The following SH3RF3 variants were observed in gnomAD, a reference collection of about 807,000 sequenced individuals.
The protein encoded by SH3RF3 is E3 ubiquitin-protein ligase SH3RF3.
A neutral mutation model predicts 66.3 loss-of-function variants in SH3RF3; 29 were observed. That is an observed-to-expected ratio of 0.44 (90% CI 0.33 to 0.60). The LOEUF (loss-of-function observed/expected upper bound fraction) is 0.60, where lower values mean the gene tolerates loss of function less well. Ranked by LOEUF, SH3RF3 falls within the 20% of genes least tolerant of loss-of-function variation. The pLI is 0.04. For synonymous variants in SH3RF3, 583 were observed against 532.0 expected (o/e 1.10, Z -1.32); for missense variants, 1,194 against 1,190.9 (o/e 1.00, Z -0.04).
chr2:109,213,326 A>G (rs556026076), intron 1 of SH3RF3, among the ~76,000 whole-genome samples: 2 of 152,324 alleles, frequency 1.3e-5, no homozygotes, highest in African/African-American at 4.8e-5. Context: ...GTGTACGCCA[A>G]ACGCAGCCCG....
At chr2:109,297,114 T>C (rs1477287208) in intron 1 of SH3RF3, among the ~76,000 whole-genome samples, 1 of 151,432 alleles carries the variant, frequency 6.6e-6, no homozygotes, top group Non-Finnish European at 1.5e-5. Context: ...CCAATACGGC[T>C]CCACAGAGAG....
At chr2:109,287,158 C>A (rs1681047394) in intron 1 of SH3RF3, among the ~76,000 whole-genome samples, 1 of 152,066 alleles carries the variant, frequency 6.6e-6, no homozygotes, top group African/African-American at 2.4e-5. Flanking sequence ...TAAAAAAGAC[C>A]CAGTGATTAT....
chr2:109,336,493 GTGCT>G, intron 1 of SH3RF3, among the ~76,000 whole-genome samples: 1 of 151,990 alleles, frequency 6.6e-6, no homozygotes, highest in East Asian at 1.9e-4. Flanking sequence ...CGGCTAGCAC[GTGCT>G]GAGGACTCGC....
intron 1 of SH3RF3, among the ~76,000 whole-genome samples, chr2:109,221,757 G>T (rs1679249233): frequency 6.6e-6 from 1 of 152,054 alleles, no homozygotes; most frequent in South Asian, 2.1e-4. Context: ...TACTATTGGT[G>T]GGAACATAAA....
At chr2:109,389,446 C>T (rs1675920891) in intron 3 of SH3RF3, among the ~76,000 whole-genome samples, 1 of 152,206 alleles carries the variant, frequency 6.6e-6, no homozygotes, top group Non-Finnish European at 1.5e-5. Context: ...AGTGTGTGAG[C>T]CTAGAGAAAT....
intron 9 of SH3RF3, among the ~76,000 whole-genome samples, chr2:109,492,844 T>C (rs1317803557): frequency 3.3e-5 from 5 of 151,976 alleles, no homozygotes; most frequent in African/African-American, 1.2e-4. Context: ...ATGTCACAGC[T>C]CCTCCAGGGG....
At chr2:109,417,352 C>G (rs1366462066) in intron 4 of SH3RF3, among the ~76,000 whole-genome samples, 1 of 152,168 alleles carries the variant, frequency 6.6e-6, no homozygotes, top group East Asian at 1.9e-4. Flanking sequence ...GGAAAGTGAT[C>G]CTGGCATTGT....
chr2:109,157,217 TA>T (rs1221121830), intron 1 of SH3RF3, among the ~76,000 whole-genome samples: 1 of 152,192 alleles, frequency 6.6e-6, no homozygotes, highest in Non-Finnish European at 1.5e-5. Flanking sequence ...CCGTCTCTTC[TA>T]CTCCTCAGCT....
At chr2:109,387,811 G>T (rs571953599) in intron 3 of SH3RF3, among the ~76,000 whole-genome samples, 2 of 152,156 alleles carry the variant, frequency 1.3e-5, no homozygotes, top group Non-Finnish European at 2.9e-5. Context: ...GCCTGCAGTA[G>T]GTGCCCAATT....
At chr2:109,148,797 T>C (rs1054704454) in intron 1 of SH3RF3, among the ~76,000 whole-genome samples, 1 of 152,206 alleles carries the variant, frequency 6.6e-6, no homozygotes, top group African/African-American at 2.4e-5. Context: ...GGTGTTCTTT[T>C]ATTTTTAGGT....
intron 1 of SH3RF3, among the ~76,000 whole-genome samples, chr2:109,245,556 C>T (rs1679896771): frequency 6.6e-6 from 1 of 152,178 alleles, no homozygotes; most frequent in African/African-American, 2.4e-5. Context: ...ACAAACTGCA[C>T]CTCTAGCCTG....
chr2:109,419,407 C>A, intron 4 of SH3RF3, 132 bp from the exon 5 acceptor site: 1 of 888,924 alleles, frequency 1.1e-6, no homozygotes, highest in Non-Finnish European at 1.7e-6. Context: ...GTAGGCACAG[C>A]ACGTTGGAGG....
intron 4 of SH3RF3, among the ~76,000 whole-genome samples, chr2:109,412,003 C>T (rs1676603506): frequency 2.0e-5 from 3 of 152,210 alleles, no homozygotes; most frequent in South Asian, 4.1e-4. Flanking sequence ...CCTGAATGGG[C>T]CCTGTGGCAG....
At chr2:109,366,112 A>G (rs1337341913) in intron 2 of SH3RF3, among the ~76,000 whole-genome samples, 3 of 152,228 alleles carry the variant, frequency 2.0e-5, no homozygotes, top group Admixed American at 1.3e-4. Context: ...CACCTCTTCT[A>G]TCTCCTAGAG....
At chr2:109,281,573 G>A (rs1680894441) in intron 1 of SH3RF3, among the ~76,000 whole-genome samples, 1 of 152,204 alleles carries the variant, frequency 6.6e-6, no homozygotes, top group Admixed American at 6.5e-5. Flanking sequence ...GGAGAGTTAA[G>A]GATGGGAGCC....
intron 1 of SH3RF3, among the ~76,000 whole-genome samples, chr2:109,203,221 A>G (rs1013981117): frequency 6.6e-6 from 1 of 152,200 alleles, no homozygotes; most frequent in African/African-American, 2.4e-5. Context: ...GAGAGCCAGG[A>G]GCCTCTTCAG....
Position 109,490,742 on chromosome 2 carries a change from C to T in SH3RF3, c.2286C>T (p.Pro762=), listed in dbSNP as rs1027859610. ...CCCTGCTCCAAGGTGCAGTGGGCCC[C>T]GAAGTGTCCTCACTGTCCATCCACG... ...VDALLQGAVG[P]EVSSLSIHGR... is the part of the protein sequence containing the mutation. Residue 762 remains proline (P), a synonymous_variant, in exon 9 of 10, where the codon CCC becomes CCT. Coordinates refer to ENST00000309415, the MANE Select transcript of SH3RF3 (RefSeq NM_001099289.3). 7.8e-6 allele frequency: 12 copies of T among 1,536,192 alleles called. No homozygotes were observed. The highest frequency in any genetic ancestry group is 1.4e-5 in the African/African-American group (1 of 73,006).
At chr2:109,161,510 G>A (rs976987501) in intron 1 of SH3RF3, among the ~76,000 whole-genome samples, 1 of 151,600 alleles carries the variant, frequency 6.6e-6, no homozygotes, top group African/African-American at 2.4e-5. Context: ...GTAAGGCGAT[G>A]TTTCCTGGGG....
intron 1 of SH3RF3, among the ~76,000 whole-genome samples, chr2:109,277,026 A>G (rs1034111527): frequency 2.0e-5 from 3 of 152,092 alleles, no homozygotes; most frequent in African/African-American, 7.2e-5. Context: ...TCCCTCGAGC[A>G]CCTGTCAAAT....
Sources: allele counts gnomAD v4.1 joint callset (sites outside exome capture counted in the v4.1 genomes callset), GRCh38; gene constraint gnomAD v4.1.1; transcripts MANE v1.5; gene names NCBI Gene and HGNC (gene_info 2026-07-23, HGNC 2026-07-21).